TMEM232: variants seen among roughly 807,000 people sequenced by gnomAD.
The protein encoded by TMEM232 is transmembrane protein 232.
TMEM232 carries 80 observed loss-of-function variants against 78.8 expected under a neutral mutation model. The ratio of observed to expected loss-of-function variants is 1.01; its 90% CI spans 0.85 to 1.22. TMEM232 has a LOEUF of 1.22. TMEM232 is among the 50% of genes most tolerant of loss of function. The pLI, the probability that TMEM232 is intolerant of heterozygous loss-of-function variation, is 0.00. For missense variants in TMEM232, 881 were observed against 742.2 expected (o/e 1.19, Z -2.17); for synonymous variants, 297 against 254.3 (o/e 1.17, Z -1.60).
At chr5:110,434,125 A>G (rs1195858105) in intron 12 of TMEM232, among the ~76,000 whole-genome samples, 1 of 151,578 alleles carries the variant, frequency 6.6e-6, no homozygotes, top group Non-Finnish European at 1.5e-5. Context: ...GAGCAGAACT[A>G]AATGAAATTG....
At chr5:110,558,889 C>T (rs893515358) in intron 11 of TMEM232, among the ~76,000 whole-genome samples, 1 of 152,160 alleles carries the variant, frequency 6.6e-6, no homozygotes, top group Non-Finnish European at 1.5e-5. Flanking sequence ...ACTCACCCCA[C>T]CTCTAGGGGC....
chr5:110,481,908 G>T (rs967211794), intron 12 of TMEM232, among the ~76,000 whole-genome samples: 2 of 152,120 alleles, frequency 1.3e-5, no homozygotes, highest in Non-Finnish European at 2.9e-5. Context: ...CTCTCAAAAA[G>T]AGACAACTGG....
chr5:110,485,843 T>C (rs1358282959), intron 12 of TMEM232, among the ~76,000 whole-genome samples: 3 of 152,152 alleles, frequency 2.0e-5, no homozygotes, highest in Non-Finnish European at 2.9e-5. Flanking sequence ...AGTGGTGAGA[T>C]TGTTGGATCA....
intron 3 of TMEM232, among the ~76,000 whole-genome samples, chr5:110,641,466 C>G (rs958187198): frequency 7.2e-5 from 11 of 152,068 alleles, no homozygotes; most frequent in African/African-American, 2.7e-4. Context: ...TGTGCCCACT[C>G]CTGGGACTGT....
At chr5:110,455,910 A>G (rs949649223) in intron 12 of TMEM232, among the ~76,000 whole-genome samples, 4 of 152,204 alleles carry the variant, frequency 2.6e-5, no homozygotes, top group African/African-American at 9.6e-5. Context: ...TTCATTCATA[A>G]TAAAAACTCT....
chr5:110,592,056 A>G (rs1779607959), intron 10 of TMEM232, among the ~76,000 whole-genome samples: 1 of 152,162 alleles, frequency 6.6e-6, no homozygotes, highest in South Asian at 2.1e-4. Flanking sequence ...TTACTCAGTA[A>G]TGCTACAAAG....
At chr5:110,442,460 C>T (rs114164958) in intron 12 of TMEM232, among the ~76,000 whole-genome samples, 2,209 of 151,996 alleles carry the variant, frequency 0.015, 26 homozygotes, top group Non-Finnish European at 0.023. Context: ...AGAATCTCTG[C>T]TTGATTTAAA....
chr5:110,514,361 C>T (rs1432980976), intron 12 of TMEM232, among the ~76,000 whole-genome samples: 1 of 150,750 alleles, frequency 6.6e-6, no homozygotes, highest in African/African-American at 2.5e-5. Flanking sequence ...AAAATGTAAA[C>T]CTTCCACTTA....
chr5:110,506,696 A>G (rs1428687440), intron 12 of TMEM232, among the ~76,000 whole-genome samples: 1 of 152,184 alleles, frequency 6.6e-6, no homozygotes, highest in Non-Finnish European at 1.5e-5. Context: ...TTGTTCAGCA[A>G]CAGAGCATAT....
intron 12 of TMEM232, among the ~76,000 whole-genome samples, chr5:110,480,518 G>A (rs889099891): frequency 6.6e-6 from 1 of 152,034 alleles, no homozygotes; most frequent in African/African-American, 2.4e-5. Context: ...TGTTTTTTAA[G>A]AGATTGCTTG....
chr5:110,660,603 T>C (rs1448713038), intron 2 of TMEM232, among the ~76,000 whole-genome samples: 3 of 152,046 alleles, frequency 2.0e-5, no homozygotes, highest in Non-Finnish European at 4.4e-5. Flanking sequence ...ACACGTAAGG[T>C]AGAATACCAG....
rs1455345126 is a variant in TMEM232 at position 110,613,303 on chromosome 5, AC to A, written c.902+5125del. Among the ~76,000 whole-genome samples the A allele has an allele frequency of 2.0e-5, 3 of 152,172 alleles. No homozygotes were observed. In the East Asian group the frequency reaches 5.8e-4, roughly 29 times the overall value. On this transcript the variant is annotated intron_variant, in intron 8 of 13. Transcript: ENST00000455884. The stretch of plus-strand genomic sequence containing the variant: ...GTTACTAGAAGTCATGCAGGGAGAT[AC>A]ATGATGAATTATCTACTGACCAATA...
intron 11 of TMEM232, among the ~76,000 whole-genome samples, chr5:110,547,325 G>T (rs147261666): frequency 3.3e-4 from 51 of 152,300 alleles, no homozygotes; most frequent in African/African-American, 1.2e-3. Context: ...AATTTTAGCT[G>T]TGAAACTCAG....
chr5:110,455,296 T>C (rs1760774812), intron 12 of TMEM232, among the ~76,000 whole-genome samples: 1 of 152,170 alleles, frequency 6.6e-6, no homozygotes, highest in South Asian at 2.1e-4. Flanking sequence ...ATGAGGCCAG[T>C]GCTGCCCTGA....
At chr5:110,693,224 C>A (rs892194247) in intron 1 of TMEM232, among the ~76,000 whole-genome samples, 22 of 152,214 alleles carry the variant, frequency 1.4e-4, no homozygotes, top group Non-Finnish European at 8.8e-5. Flanking sequence ...CAAACTCCAA[C>A]AGACCTGCAG....
chr5:110,389,527 T>G (rs1755107027), intron 4 of TMEM232, among the ~76,000 whole-genome samples: 2 of 152,198 alleles, frequency 1.3e-5, no homozygotes, highest in African/African-American at 4.8e-5. Flanking sequence ...TTGATAAACC[T>G]CGGTGAAAAA....
At chr5:110,541,122 G>T (rs747047547) in intron 11 of TMEM232, among the ~76,000 whole-genome samples, 1 of 152,102 alleles carries the variant, frequency 6.6e-6, no homozygotes, top group Non-Finnish European at 1.5e-5. Context: ...GCCCAATGGA[G>T]AATTATAAAA....
At chr5:110,528,005 T>C (rs575207407) in intron 12 of TMEM232, among the ~76,000 whole-genome samples, 57 of 152,062 alleles carry the variant, frequency 3.7e-4, no homozygotes, top group African/African-American at 1.3e-3. Flanking sequence ...CATCTTAACA[T>C]TCTGTGTATG....
At chr5:110,495,675 GAATAA>G (rs1765566772) in intron 12 of TMEM232, among the ~76,000 whole-genome samples, 1 of 151,584 alleles carries the variant, frequency 6.6e-6, no homozygotes, top group African/African-American at 2.4e-5. Flanking sequence ...AACCAAAATT[GAATAA>G]AATATTTTCT....
Sources: allele counts gnomAD v4.1 joint callset (sites outside exome capture counted in the v4.1 genomes callset), GRCh38; gene constraint gnomAD v4.1.1; transcripts MANE v1.5; gene names NCBI Gene and HGNC (gene_info 2026-07-23, HGNC 2026-07-21).